The following RAP1GAP2 variants were observed in gnomAD, a reference collection of about 807,000 sequenced individuals.
The protein encoded by RAP1GAP2 is rap1 GTPase-activating protein 2.
Under a neutral mutation model 95.0 loss-of-function variants are expected in RAP1GAP2, and 27 were observed. That is an observed-to-expected ratio of 0.28 (90% CI 0.21 to 0.39). The LOEUF (loss-of-function observed/expected upper bound fraction) is 0.39, where lower values mean the gene tolerates loss of function less well. Among genes scored for constraint, RAP1GAP2 ranks in the 10% least tolerant of loss-of-function variants. The pLI is 1.00. For synonymous variants in RAP1GAP2, 373 were observed against 380.9 expected (o/e 0.98, Z 0.24); for missense variants, 771 against 970.0 (o/e 0.79, Z 2.72).
intron 3 of RAP1GAP2, among the ~76,000 whole-genome samples, chr17:2,937,910 C>T (rs925729113): frequency 1.3e-5 from 2 of 152,184 alleles, no homozygotes; most frequent in African/African-American, 2.4e-5. Flanking sequence ...CTTCCCCCAG[C>T]CCCTGGAGAC....
chr17:2,764,401 G>A (rs2051284943), intron 1 of RAP1GAP2, among the ~76,000 whole-genome samples: 1 of 146,080 alleles, frequency 6.8e-6, no homozygotes, highest in African/African-American at 2.6e-5. Context: ...CATTGCCTGG[G>A]CGACGCAGCA....
chr17:2,969,841 A>G (rs974989176), intron 8 of RAP1GAP2, among the ~76,000 whole-genome samples: 8 of 152,014 alleles, frequency 5.3e-5, no homozygotes, highest in African/African-American at 1.9e-4. Flanking sequence ...TTATTTCCAC[A>G]GGATTCTGTA....
At chr17:2,771,138 G>A (rs2068383583) in intron 2 of RAP1GAP2, among the ~76,000 whole-genome samples, 1 of 152,160 alleles carries the variant, frequency 6.6e-6, no homozygotes, top group Admixed American at 6.6e-5. Flanking sequence ...GGAGATCCCT[G>A]GTTCCTTCCT....
At chr17:2,998,134 G>A in intron 13 of RAP1GAP2, 87 bp from the exon 14 acceptor site, 1 of 1,414,760 alleles carries the variant, frequency 7.1e-7, no homozygotes, top group Non-Finnish European at 9.8e-7. Flanking sequence ...TTTCCTGTGT[G>A]CAAAGGAAAG....
intron 2 of RAP1GAP2, among the ~76,000 whole-genome samples, chr17:2,809,824 C>T (rs954631038): frequency 5.1e-4 from 78 of 152,314 alleles, no homozygotes; most frequent in Admixed American, 2.0e-4. Flanking sequence ...CTCCAGCCAC[C>T]GCGGGAGAGG....
At chr17:2,829,712 G>A (rs1043186893) in intron 2 of RAP1GAP2, among the ~76,000 whole-genome samples, 16 of 152,176 alleles carry the variant, frequency 1.1e-4, no homozygotes, top group African/African-American at 3.9e-4. Context: ...GCCTGGTGGT[G>A]GCCTCCTGGC....
chr17:2,960,770 G>A (rs903763221), intron 4 of RAP1GAP2, among the ~76,000 whole-genome samples: 1 of 152,216 alleles, frequency 6.6e-6, no homozygotes, highest in Non-Finnish European at 1.5e-5. Flanking sequence ...CCAGGCAGAC[G>A]CTGCTTCTGG....
intron 2 of RAP1GAP2, among the ~76,000 whole-genome samples, chr17:2,858,350 G>GT (rs2072234302): frequency 6.6e-6 from 1 of 152,138 alleles, no homozygotes; most frequent in Non-Finnish European, 1.5e-5. Flanking sequence ...TTGTTGTGGA[G>GT]TATCATACCT....
chr17:2,878,707 A>C (rs1269965524), intron 2 of RAP1GAP2, among the ~76,000 whole-genome samples: 4 of 152,160 alleles, frequency 2.6e-5, no homozygotes, highest in Non-Finnish European at 4.4e-5. Context: ...AAGCCAGCCA[A>C]CCCTGGCTCT....
Position 3,005,962 on chromosome 17 carries a change from A to G in RAP1GAP2, c.1280A>G (p.Glu427Gly), listed in dbSNP as rs1235956182. Residue 427 changes from glutamate (E) to glycine (G), a missense_variant, in exon 16 of 25, where the codon GAA becomes GGA. Physicochemically the swap from Glu to Gly is moderately conservative, Grantham distance 98. Transcript: ENST00000254695. This position sits in a 1 kb window ranked among gnomAD's most constrained non-coding sequence, Gnocchi z 5.2. ...CCGTCTTGTCTCTTCCAGGGCCCGG[A>G]ATTCAGGGAGTTTCTGCTCACCAAG... Reference protein sequence around the residue: ...PSPPVFQKGPEFREFLLTKLT... With the variant: ...PSPPVFQKGPGFREFLLTKLT... 6.2e-7 allele frequency: 1 copy of G among 1,613,604 alleles called. No homozygotes were observed. Among genetic ancestry groups the G allele is most frequent in the Non-Finnish European group, 8.5e-7 (1 of 1,179,780 alleles).
rs561889950 is a variant in RAP1GAP2 at position 2,796,865 on chromosome 17, T to A, written c.44+294T>A. 6.6e-6 allele frequency among the ~76,000 whole-genome samples: 1 copy of A among 151,668 alleles called. No individual in the cohort carries two copies. The highest frequency in any genetic ancestry group is 1.5e-5 in the Non-Finnish European group (1 of 68,012). ...GCAGTTGAATGTGTGTGTCTCTGTG[T>A]CCGCAGGTTCCCATGTATGTGTGTG... On this transcript the variant is annotated intron_variant, in intron 1 of 24. Coordinates refer to ENST00000254695, the MANE Select transcript of RAP1GAP2 (RefSeq NM_015085.5). This position sits in a 1 kb window ranked among gnomAD's most constrained non-coding sequence, Gnocchi z 4.7.
intron 2 of RAP1GAP2, among the ~76,000 whole-genome samples, chr17:2,901,533 G>T (rs949690326): frequency 3.3e-5 from 5 of 152,174 alleles, no homozygotes; most frequent in African/African-American, 9.7e-5. Context: ...TCAGTGCCAT[G>T]ACATGTGGCA....
In RAP1GAP2 at chr17:2,906,126, T is replaced by C. The variant is rs1490431877; in HGVS notation, c.165+758T>C. Among the ~76,000 whole-genome samples the C allele has an allele frequency of 6.6e-6, 1 of 151,946 alleles. No homozygotes were observed. The highest frequency in any genetic ancestry group is 1.5e-5 in the Non-Finnish European group (1 of 67,958). ...GCCTCCCTCCTTCCTTCACACTCTG[T>C]GGAGTGAGTGAGGACTAGTGCTGAA... On this transcript the variant is annotated intron_variant, in intron 3 of 24. Coordinates refer to ENST00000254695, the MANE Select transcript of RAP1GAP2 (RefSeq NM_015085.5). The surrounding 1 kb of genome is among the most constrained non-coding windows in gnomAD (Gnocchi z 4.3).
At chr17:2,793,187 C>T (rs1258743499), upstream of RAP1GAP2, among the ~76,000 whole-genome samples, 14 of 147,990 alleles carry the variant, frequency 9.5e-5, no homozygotes, top group Non-Finnish European at 1.9e-4. Flanking sequence ...GAGTTTCGCT[C>T]TTGTCGCCCA....
intron 2 of RAP1GAP2, among the ~76,000 whole-genome samples, chr17:2,856,998 C>T (rs1457562101): frequency 6.6e-6 from 1 of 152,226 alleles, no homozygotes; most frequent in Non-Finnish European, 1.5e-5. Context: ...CCTTGCTCTG[C>T]AGGTGCTGGT....
At chr17:2,813,182 C>T (rs921712463) in intron 2 of RAP1GAP2, among the ~76,000 whole-genome samples, 3 of 151,504 alleles carry the variant, frequency 2.0e-5, no homozygotes, top group African/African-American at 4.8e-5. Flanking sequence ...AGCGATTTCT[C>T]CTGCCTCCGT....
At chr17:2,834,210 C>A (rs73976599) in intron 2 of RAP1GAP2, among the ~76,000 whole-genome samples, 374 of 152,312 alleles carry the variant, frequency 2.5e-3, no homozygotes, top group African/African-American at 8.5e-3. Context: ...AAGAGGCTGG[C>A]TTTAGATTTT....
intron 3 of RAP1GAP2, among the ~76,000 whole-genome samples, chr17:2,908,890 G>A (rs2042283115): frequency 6.6e-6 from 1 of 151,964 alleles, no homozygotes; most frequent in South Asian, 2.1e-4. Flanking sequence ...ATTTTCTGTA[G>A]AGACAAGGTC....
chr17:3,020,573 C>G lies in RAP1GAP2; in HGVS notation c.1729C>G (p.Gln577Glu), dbSNP rs1014784593. The G allele has an allele frequency of 1.9e-6, 3 of 1,613,818 alleles. No individual in the cohort carries two copies. The highest frequency in any genetic ancestry group is 1.7e-6 in the Non-Finnish European group (2 of 1,179,854). Residue 577 changes from glutamine (Q) to glutamate (E), a missense_variant, in exon 19 of 25, where the codon CAG becomes GAG. Transcript: ENST00000254695. ...FPRLHTGSEGQGDSRARCDST... is the reference protein window; with the variant it reads ...FPRLHTGSEGEGDSRARCDST... ...CCGCCTGCACACGGGCTCAGAAGGC[C>G]AGGGCGACAGCCGGGCACGATGGTA... is the stretch of plus-strand genomic sequence containing the variant.
Sources: gnomAD v4.1 joint callset for allele counts (sites outside exome capture counted in the v4.1 genomes callset) on GRCh38, gnomAD v4.1.1 for gene constraint, Gnocchi (gnomAD v3.1) non-coding constraint, MANE v1.5 for transcripts, NCBI Gene and HGNC (gene_info 2026-07-23, HGNC 2026-07-21) for gene names.